Variants in SESN3 observed in about 807,000 individuals in gnomAD.
The protein encoded by SESN3 is sestrin 3, also known as sestrin-3.
SESN3 carries 21 observed loss-of-function variants against 55.3 expected under a neutral mutation model. The observed-to-expected ratio is 0.38, with a 90% CI of 0.27 to 0.55. The LOEUF (loss-of-function observed/expected upper bound fraction) is 0.55, where lower values mean the gene tolerates loss of function less well. SESN3 is among the 20% of genes least tolerant of loss of function. The pLI is 0.76. For missense variants in SESN3, 408 were observed against 604.3 expected, an observed-to-expected ratio of 0.68 and a Z score of 3.41; for synonymous variants, 181 against 203.1, an observed-to-expected ratio of 0.89 and a Z score of 0.93.
chr11:95,204,690 CAGACATTCATT>C (rs1276701959), intron 1 of SESN3: 2 of 152,188 alleles, frequency 1.3e-5, no homozygotes, highest in East Asian at 3.9e-4. Flanking sequence ...AACTAGGAAG[CAGACATTCATT>C]AGACACAATT....
chr11:95,218,808 GC>G (rs1860808361), intron 1 of SESN3, among the ~76,000 whole-genome samples: 1 of 152,020 alleles, frequency 6.6e-6, no homozygotes, highest in African/African-American at 2.4e-5. Flanking sequence ...CCACCACCAA[GC>G]CCGCTAATTT....
chr11:95,196,577 A>G (rs1860364754), intron 1 of SESN3, among the ~76,000 whole-genome samples: 1 of 152,134 alleles, frequency 6.6e-6, no homozygotes, highest in Admixed American at 6.6e-5. Flanking sequence ...CACTCATACT[A>G]ACTTTTCTAA....
rs544351143 is a variant in SESN3, at chr11:95,172,857, T to G, written c.*398A>C. ...TGAATTCCAATATCTGAAAAACAAT[T>G]GCTTGAGCAGATTGTAAGCACTTGT... On this transcript the variant is annotated 3_prime_UTR_variant, in exon 10 of 10. Transcript: ENST00000536441. The G allele has an allele frequency of 3.2e-4, 51 of 159,842 alleles. No individual in the cohort carries two copies. Among genetic ancestry groups the G allele is most frequent in the African/African-American group, 1.2e-3 (51 of 41,600 alleles). 9.9% of individuals were successfully genotyped at this position (159,842 alleles called of 1,614,324 possible).
Position 95,170,634 on chromosome 11 carries a change from T to C in SESN3, c.*2621A>G, listed in dbSNP as rs1859831636. 1 of 152,216 alleles carries C rather than the reference T, an allele frequency of 6.6e-6. No homozygotes were observed. Among genetic ancestry groups the C allele is most frequent in the African/African-American group, 2.4e-5 (1 of 41,468 alleles). 9.4% of individuals were successfully genotyped at this position (152,216 alleles called of 1,614,324 possible). ...ACCACCCTGGAAAACCGCATCAGAA[T>C]TTCAAGTTTGCATTGGATAAAGAGA... On this transcript the variant is annotated 3_prime_UTR_variant, in exon 10 of 10. Coordinates refer to ENST00000536441, the MANE Select transcript of SESN3 (RefSeq NM_144665.4).
chr11:95,180,653 T>C (rs1860043250), intron 6 of SESN3, among the ~76,000 whole-genome samples: 1 of 152,178 alleles, frequency 6.6e-6, no homozygotes, highest in South Asian at 2.1e-4. Context: ...AACACCACTG[T>C]CAGTACTGTG....
rs1487736048 is a variant in SESN3, at chr11:95,165,955, G to A, written c.*7300C>T. The A allele has an allele frequency of 6.6e-6, 1 of 152,126 alleles. No homozygotes were observed. Among genetic ancestry groups the A allele is most frequent in the Non-Finnish European group, 1.5e-5 (1 of 68,008 alleles). 9.4% of individuals were successfully genotyped at this position (152,126 alleles called of 1,614,324 possible). A position where few individuals can be genotyped will look rare whatever the true frequency, so the allele number is the denominator to read the frequency against. On this transcript the variant is annotated 3_prime_UTR_variant, in exon 10 of 10. Coordinates refer to ENST00000536441, the MANE Select transcript of SESN3 (RefSeq NM_144665.4). ...CATGGGTTCTAGAACCTTCTTAACTGCTGATTCATGTGGAGGGCATTAAGA... is the reference window on the plus strand; with the variant it reads ...CATGGGTTCTAGAACCTTCTTAACTACTGATTCATGTGGAGGGCATTAAGA...
intron 6 of SESN3, among the ~76,000 whole-genome samples, chr11:95,180,091 A>G (rs554718103): frequency 6.6e-6 from 1 of 152,320 alleles, no homozygotes; most frequent in South Asian, 2.1e-4. Flanking sequence ...AAATGAACAT[A>G]TATTTCTCAA....
At chr11:95,223,028 C>T (rs1565476731) in intron 1 of SESN3, among the ~76,000 whole-genome samples, 1 of 152,156 alleles carries the variant, frequency 6.6e-6, no homozygotes, top group African/African-American at 2.4e-5. Context: ...TACAGCTAGT[C>T]ACTTATAGGT....
At chr11:95,175,475 A>C (rs769720186) in intron 9 of SESN3, 23 bp downstream of exon 9, 1 of 1,602,464 alleles carries the variant, frequency 6.2e-7, no homozygotes, top group South Asian at 1.1e-5. Context: ...CTATGGTATA[A>C]TGCTTAATAC....
chr11:95,180,523 C>T (rs188975514), intron 6 of SESN3, among the ~76,000 whole-genome samples: 192 of 152,140 alleles, frequency 1.3e-3, no homozygotes, highest in Admixed American at 5.0e-3. Flanking sequence ...AGAAAAGAGA[C>T]GGTGTTTACT....
intron 9 of SESN3, among the ~76,000 whole-genome samples, chr11:95,174,629 A>G (rs909953967): frequency 1.3e-5 from 2 of 152,026 alleles, no homozygotes; most frequent in Non-Finnish European, 2.9e-5. Flanking sequence ...GACAACAGGC[A>G]TGCACAACCA....
rs1260508112 is a variant in SESN3, at chr11:95,165,631, T to C, written c.*7624A>G. On this transcript the variant is annotated 3_prime_UTR_variant, in exon 10 of 10. Transcript: ENST00000536441. ...TCTGCAAGTATAAATGTGATACAGTTTAACAAAACCCATTGTTCTGTACCT... is the reference window on the plus strand; with the variant it reads ...TCTGCAAGTATAAATGTGATACAGTCTAACAAAACCCATTGTTCTGTACCT... 1 of 152,182 alleles carries C rather than the reference T, an allele frequency of 6.6e-6. No individual in the cohort carries two copies. Among genetic ancestry groups the C allele is most frequent in the Non-Finnish European group, 1.5e-5 (1 of 68,022 alleles). The allele number at this position is 152,182 out of a possible 1,614,324, so 9.4% of individuals were successfully genotyped here.
Position 95,175,542 on chromosome 11 carries a change from G to A in SESN3, c.1348C>T (p.Arg450Cys), listed in dbSNP as rs751032396. The A allele has an allele frequency of 5.6e-6, 9 of 1,613,830 alleles. No homozygotes were observed. The highest frequency in any genetic ancestry group is 1.1e-5 in the South Asian group (1 of 91,070). ...VTCYPERTTK[R>C]MYDSYWRQFK... ...TGCCGCCAGTAACTATCATACATGC[G>A]TTTTGTAGTTCTCTCAGGATAGCAG... The change falls in exon 9 of 10, where the codon CGC (arginine) becomes TGC (cysteine). Residue 450 changes from arginine to cysteine, a missense_variant. Around this residue, in one of 4 missense-constraint regions of SESN3, gnomAD observed 121 missense variants for 204.9 expected, o/e 0.59. Coordinates refer to ENST00000536441, the MANE Select transcript of SESN3 (RefSeq NM_144665.4).
intron 6 of SESN3, among the ~76,000 whole-genome samples, chr11:95,180,210 T>C (rs1445639285): frequency 6.6e-6 from 1 of 152,190 alleles, no homozygotes; most frequent in Non-Finnish European, 1.5e-5. Context: ...AACAGTATTA[T>C]GGCATAATAA....
chr11:95,188,755 A>C (rs983319392), intron 4 of SESN3, among the ~76,000 whole-genome samples: 6 of 151,866 alleles, frequency 4.0e-5, no homozygotes, highest in Non-Finnish European at 8.8e-5. Flanking sequence ...TTGTACTGTG[A>C]TTATTGTCAT....
At chr11:95,190,866 A>G (rs1261948532) in intron 3 of SESN3, among the ~76,000 whole-genome samples, 2 of 152,014 alleles carry the variant, frequency 1.3e-5, no homozygotes. Context: ...ACAAAACTTT[A>G]TAATTCTCCT....
chr11:95,173,379 A>G (rs1322931375), intron 9 of SESN3, 38 bp from the exon 10 acceptor site: 2 of 1,318,846 alleles, frequency 1.5e-6, no homozygotes, highest in African/African-American at 1.4e-5. Context: ...TAACCATTAT[A>G]AACACCTGGA....
intron 1 of SESN3, among the ~76,000 whole-genome samples, chr11:95,218,980 A>G (rs1165235654): frequency 1.3e-5 from 2 of 152,196 alleles, no homozygotes; most frequent in Non-Finnish European, 2.9e-5. Context: ...AAGAGCACCA[A>G]ATACTAAATA....
chr11:95,188,939 C>G (rs1335024561), intron 4 of SESN3, among the ~76,000 whole-genome samples: 1 of 151,904 alleles, frequency 6.6e-6, no homozygotes, highest in Non-Finnish European at 1.5e-5. Context: ...AAGACAGCAT[C>G]ATGCTTCACA....
Sources: allele counts gnomAD v4.1 joint callset (sites outside exome capture counted in the v4.1 genomes callset), GRCh38; gene constraint gnomAD v4.1.1; regional missense constraint gnomAD v4.1.1; transcripts MANE v1.5; gene names NCBI Gene and HGNC (gene_info 2026-07-23, HGNC 2026-07-21).